The following RNF14 variants were observed in gnomAD, a reference collection of about 807,000 sequenced individuals.
RNF14 encodes E3 ubiquitin-protein ligase RNF14.
A neutral mutation model predicts 52.6 loss-of-function variants in RNF14; 26 were observed. The ratio of observed to expected loss-of-function variants is 0.49; its 90% CI spans 0.36 to 0.69. The LOEUF (loss-of-function observed/expected upper bound fraction) is 0.69. Among genes scored for constraint, RNF14 ranks in the 30% least tolerant of loss-of-function variants. RNF14 has a pLI of 0.00. For missense variants in RNF14, 404 were observed against 560.4 expected, an observed-to-expected ratio of 0.72 and a Z score of 2.82; for synonymous variants, 194 against 202.0, an observed-to-expected ratio of 0.96 and a Z score of 0.34.
rs779865727 is a variant in RNF14 at position 141,978,479 on chromosome 5, T to G, written c.483T>G (p.Ala161=). The G allele has an allele frequency of 6.2e-7, 1 of 1,614,074 alleles. No individual in the cohort carries two copies. The highest frequency in any genetic ancestry group is 8.5e-7 in the Non-Finnish European group (1 of 1,180,050). The change falls in exon 5 of 9, where the codon GCT becomes GCG. Residue 161 remains alanine (A), a synonymous_variant. Transcript: ENST00000394520. The part of the protein sequence containing the change: ...QKKVQRRTAQ[A]SPNTELDFGG... ...AAGTGCAGAGAAGGACAGCTCAAGCTTCTCCCAACACAGAGCTAGATTTTG... is the reference window on the plus strand; with the variant it reads ...AAGTGCAGAGAAGGACAGCTCAAGCGTCTCCCAACACAGAGCTAGATTTTG...
chr5:141,985,017 T>C (rs1437151106), intron 8 of RNF14, 84 bp downstream of exon 8: 2 of 1,191,698 alleles, frequency 1.7e-6, no homozygotes, highest in African/African-American at 3.1e-5. Flanking sequence ...TTTATTTAAG[T>C]ACTTGGACTT....
Position 141,980,206 on chromosome 5 carries a change from G to A in RNF14, c.918G>A (p.Val306=), listed in dbSNP as rs755271840. Residue 306 remains valine (V), a synonymous_variant, in exon 6 of 9, where the codon GTG becomes GTA. Coordinates refer to ENST00000394520, the MANE Select transcript of RNF14 (RefSeq NM_004290.5). ...LQSSLDLMAD[V]VYCPRPCCQL... ...CCTCCTTGGACCTGATGGCAGATGT[G>A]GTGTACTGCCCCCGGCCGTGCTGCC... The A allele has an allele frequency of 6.8e-6, 11 of 1,614,086 alleles. No individual in the cohort carries two copies. Among genetic ancestry groups the A allele is most frequent in the Admixed American group, 1.7e-5 (1 of 60,014 alleles).
the RNF14 span, chr5:141,951,664 A>G: frequency 9.4e-7 from 1 of 1,059,736 alleles, no homozygotes; most frequent in Non-Finnish European, 1.5e-6. Flanking sequence ...TGTTTCCCTC[A>G]ATGCCGGTGC....
At chr5:141,955,373 G>A (rs1378174359), upstream of RNF14, 11 of 1,613,876 alleles carry the variant, frequency 6.8e-6, no homozygotes, top group Admixed American at 1.7e-5. The surrounding 1 kb of genome is among the most constrained non-coding windows in gnomAD (Gnocchi z 5.5). Context: ...CCTTGATTAC[G>A]CAGCGTCCTG....
At chr5:141,967,064 T>G (rs912488223), upstream of RNF14, among the ~76,000 whole-genome samples, 6 of 152,236 alleles carry the variant, frequency 3.9e-5, no homozygotes, top group African/African-American at 1.2e-4. Context: ...TGGTTTCTGT[T>G]TTGTGACAAT....
At chr5:141,963,169 C>T (rs1339880962), upstream of RNF14, 2 of 152,342 alleles carry the variant, frequency 1.3e-5, no homozygotes, top group Non-Finnish European at 2.9e-5. Flanking sequence ...CCTTCTAACT[C>T]CCAGGTGCAG....
upstream of RNF14, chr5:141,956,876 C>G (rs376940513): frequency 6.2e-6 from 10 of 1,614,080 alleles, no homozygotes; most frequent in African/African-American, 2.7e-5. Flanking sequence ...GGACCCAGGT[C>G]CCTTGCCTGA....
At chr5:141,951,524 T>G in the RNF14 span, 1 of 1,614,128 alleles carries the variant, frequency 6.2e-7, no homozygotes, top group East Asian at 2.2e-5. Context: ...AAGTACTTAT[T>G]TCCTCGGTGG....
intron 1 of RNF14, among the ~76,000 whole-genome samples, chr5:141,960,168 C>G (rs1753248812): frequency 6.6e-6 from 1 of 152,160 alleles, no homozygotes; most frequent in Admixed American, 6.5e-5. Context: ...CCCATTGCCC[C>G]CTGCTGGCAG....
chr5:141,972,529 A>G (rs1166694428), intron 2 of RNF14, among the ~76,000 whole-genome samples: 1 of 152,154 alleles, frequency 6.6e-6, no homozygotes, highest in African/African-American at 2.4e-5. Flanking sequence ...ATTTACTTCA[A>G]AATGTCAATA....
At chr5:141,976,650 C>T (rs1017670302) in intron 4 of RNF14, among the ~76,000 whole-genome samples, 1 of 151,984 alleles carries the variant, frequency 6.6e-6, no homozygotes, top group African/African-American at 2.4e-5. Flanking sequence ...TGAATTGGGG[C>T]GGGTAGACAG....
At position 141,976,487 on chromosome 5, in the gene RNF14, A is replaced by C. The variant is rs1028665214; in HGVS notation, c.306+1532A>C. On this transcript the variant is annotated intron_variant, in intron 4 of 8. Transcript: ENST00000394520. ...CAGCTAAAATTACAGTAGAATTCTT[A>C]ATCAAATAAATGTTTATGCATATAA... is the stretch of plus-strand genomic sequence containing the variant. 3.3e-5 allele frequency among the ~76,000 whole-genome samples: 5 copies of C among 152,242 alleles called. 1 individual carries two copies. The highest frequency in any genetic ancestry group is 1.2e-4 in the African/African-American group (5 of 41,534).
chr5:141,966,769 G>A (rs1194847750), upstream of RNF14: 2 of 152,256 alleles, frequency 1.3e-5, no homozygotes, highest in African/African-American at 4.8e-5. Context: ...TCTCTATCCT[G>A]TGACCTCTGA....
chr5:141,973,484 C>T (rs549405978), intron 2 of RNF14, 99 bp from the exon 3 acceptor site: 11 of 932,008 alleles, frequency 1.2e-5, no homozygotes, highest in African/African-American at 6.9e-5. Flanking sequence ...GTGATCCGCC[C>T]GCCTCGGCCT....
chr5:141,961,321 A>T (rs1198601051), intron 1 of RNF14, among the ~76,000 whole-genome samples: 1 of 152,102 alleles, frequency 6.6e-6, no homozygotes, highest in African/African-American at 2.4e-5. Context: ...TGTTTGTTTT[A>T]TTCACACTGG....
rs1344257561 is a variant in RNF14, at chr5:141,988,829, A to G, written c.*1039A>G. 1 of 152,342 alleles carries G rather than the reference A, an allele frequency of 6.6e-6. No homozygotes were observed. The highest frequency in any genetic ancestry group is 2.4e-5 in the African/African-American group (1 of 41,442). 9.4% of individuals were successfully genotyped at this position (152,342 alleles called of 1,614,324 possible). A position where few individuals can be genotyped will look rare whatever the true frequency, so the allele number is the denominator to read the frequency against. The stretch of plus-strand genomic sequence containing the variant: ...TTATTTTTAAAGATCTTCTCTAACA[A>G]GCTATGGGAATTTGGCTTCATACTC... On this transcript the variant is annotated 3_prime_UTR_variant, in exon 9 of 9. Transcript: ENST00000394520.
At chr5:141,957,518 C>G, upstream of RNF14, 1 of 1,614,132 alleles carries the variant, frequency 6.2e-7, no homozygotes, top group East Asian at 2.2e-5. This position sits in a 1 kb window ranked among gnomAD's most constrained non-coding sequence, Gnocchi z 4.3. Flanking sequence ...TCCCCTGTGG[C>G]AAGCACATCA....
upstream of RNF14, chr5:141,956,032 G>A (rs775214057): frequency 1.9e-6 from 3 of 1,614,180 alleles, no homozygotes; most frequent in South Asian, 2.2e-5. Context: ...AGTGGCCAGT[G>A]GAGGTGTGTC....
In RNF14 at chr5:141,974,870, T is replaced by A; in HGVS notation, c.221T>A (p.Val74Glu). 1 of 1,614,116 alleles carries A rather than the reference T, an allele frequency of 6.2e-7. No individual in the cohort carries two copies. The highest frequency in any genetic ancestry group is 8.5e-7 in the Non-Finnish European group (1 of 1,179,992). Residue 74 changes from valine (V) to glutamate (E), a missense_variant, in exon 4 of 9, where the codon GTG (valine) becomes GAG (glutamate). Transcript: ENST00000394520. The stretch of plus-strand genomic sequence containing the variant: ...ACCATTTGCTTTCTGCCTCCACTTG[T>A]GCTGAACTTTGAACTGCCACCAGAT... ...EYTICFLPPL[V>E]LNFELPPDYP... is the part of the protein sequence containing the mutation.
Sources: gnomAD v4.1 joint callset for allele counts (sites outside exome capture counted in the v4.1 genomes callset) on GRCh38, gnomAD v4.1.1 for gene constraint, Gnocchi (gnomAD v3.1) non-coding constraint, MANE v1.5 for transcripts, NCBI Gene and HGNC (gene_info 2026-07-23, HGNC 2026-07-21) for gene names.